The following FBXW2 variants were observed in gnomAD, a reference collection of about 807,000 sequenced individuals.
The protein encoded by FBXW2 is F-box and WD repeat domain containing 2.
A neutral mutation model predicts 46.0 loss-of-function variants in FBXW2; 12 were observed. The observed-to-expected ratio is 0.26, with a 90% confidence interval of 0.17 to 0.42. FBXW2 has a LOEUF of 0.42. FBXW2 is among the 10% of genes least tolerant of loss of function. FBXW2 has a pLI of 1.00. For missense variants in FBXW2, 360 were observed against 537.0 expected (o/e 0.67, Z 3.26); for synonymous variants, 203 against 209.6 (o/e 0.97, Z 0.27).
At position 120,758,358 on chromosome 9, in the gene FBXW2, T is replaced by C. The variant is rs1308139853; in HGVS notation, c.*6201A>G. 1.3e-5 allele frequency: 2 copies of C among 152,194 alleles called. No individual in the cohort carries two copies. The highest frequency in any genetic ancestry group is 2.4e-5 in the African/African-American group (1 of 41,430). 9.4% of individuals were successfully genotyped at this position (152,194 alleles called of 1,614,324 possible). A position where few individuals can be genotyped will look rare whatever the true frequency, so the allele number is the denominator to read the frequency against. On this transcript the variant is annotated 3_prime_UTR_variant, in exon 8 of 8. Transcript: ENST00000608872. Reference sequence around the variant, plus strand: ...TGGAAATAAATAGAGGAGCAAGAACTGTTTGCTCGAAGAAATTAGCTAGGG... The same window carrying C: ...TGGAAATAAATAGAGGAGCAAGAACCGTTTGCTCGAAGAAATTAGCTAGGG...
intron 2 of FBXW2, 95 bp downstream of exon 2, chr9:120,793,054 A>C: frequency 9.0e-7 from 1 of 1,106,720 alleles, no homozygotes. Context: ...TAACTCCAAA[A>C]CCCTGTTTTC....
At chr9:120,777,247 T>C (rs1245934129) in intron 4 of FBXW2, among the ~76,000 whole-genome samples, 1 of 152,264 alleles carries the variant, frequency 6.6e-6, no homozygotes, top group Admixed American at 6.5e-5. Flanking sequence ...CTTCCATGCA[T>C]ACATGCACCT....
intron 5 of FBXW2, 78 bp downstream of exon 5, chr9:120,776,015 A>G (rs1341071238): frequency 6.4e-7 from 1 of 1,551,210 alleles, no homozygotes. Context: ...CCTAACACTT[A>G]TAAGGCAGTG....
intron 3 of FBXW2, among the ~76,000 whole-genome samples, chr9:120,787,184 A>T (rs970985080): frequency 1.3e-5 from 2 of 152,192 alleles, no homozygotes; most frequent in East Asian, 3.8e-4. Flanking sequence ...GCATGCCGCC[A>T]CGCCCGGCTA....
rs2044610111 is a variant in FBXW2, at chr9:120,781,475, GTTGT to G, written c.491-2934_491-2931del. ...TTTGGCTGCAGAACTGGGTTAGGAG[GTTGT>G]TTAACTATGACCTTATTTGCATATC... On this transcript the variant is annotated intron_variant, in intron 3 of 7. Coordinates refer to ENST00000608872, the MANE Select transcript of FBXW2 (RefSeq NM_012164.4). Among the ~76,000 whole-genome samples the G allele has an allele frequency of 2.6e-5, 4 of 152,212 alleles. No individual in the cohort carries two copies. In the South Asian group the frequency reaches 6.2e-4, roughly 24 times the overall value.
chr9:120,770,308 G>A (rs571233841), intron 7 of FBXW2, among the ~76,000 whole-genome samples: 15 of 151,736 alleles, frequency 9.9e-5, no homozygotes, highest in Admixed American at 4.6e-4. Context: ...CCCTGGAGGC[G>A]GAGCCTGCAG....
rs956399640 is a variant in FBXW2 at position 120,762,939 on chromosome 9, C to T, written c.*1620G>A. 3 of 152,180 alleles carry T rather than the reference C, an allele frequency of 2.0e-5. No individual in the cohort carries two copies. Among genetic ancestry groups the T allele is most frequent in the African/African-American group, 7.2e-5 (3 of 41,438 alleles). The allele number at this position is 152,180 out of a possible 1,614,324, so 9.4% of individuals were successfully genotyped here. A position where few individuals can be genotyped will look rare whatever the true frequency, so the allele number is the denominator to read the frequency against. ...CTGAGATTTTTCTACTGCTTGCTCC[C>T]TCTACTCTCTCCCTGATTGTGACCA... On this transcript the variant is annotated 3_prime_UTR_variant, in exon 8 of 8. Coordinates refer to ENST00000608872, the MANE Select transcript of FBXW2 (RefSeq NM_012164.4).
At chr9:120,775,291 G>T (rs35963427) in intron 5 of FBXW2, among the ~76,000 whole-genome samples, 1 of 152,074 alleles carries the variant, frequency 6.6e-6, no homozygotes, top group Non-Finnish European at 1.5e-5. Flanking sequence ...TGATCCGCCC[G>T]CCTTGGCCTC....
At chr9:120,768,940 G>T (rs1474574118) in intron 7 of FBXW2, among the ~76,000 whole-genome samples, 1 of 152,200 alleles carries the variant, frequency 6.6e-6, no homozygotes, top group African/African-American at 2.4e-5. Flanking sequence ...TAGGGCTCAA[G>T]ATCTGTGAAG....
At chr9:120,781,218 A>G (rs1186676183) in intron 3 of FBXW2, among the ~76,000 whole-genome samples, 2 of 152,212 alleles carry the variant, frequency 1.3e-5, no homozygotes, top group Non-Finnish European at 2.9e-5. Context: ...GATTTGGCCC[A>G]CAGTCCACAG....
intron 3 of FBXW2, among the ~76,000 whole-genome samples, chr9:120,783,999 T>C (rs914650685): frequency 1.3e-5 from 2 of 152,214 alleles, no homozygotes; most frequent in African/African-American, 4.8e-5. Flanking sequence ...CAAACACATG[T>C]ACAATTCTGT....
intron 2 of FBXW2, among the ~76,000 whole-genome samples, chr9:120,788,480 A>C (rs748956712): frequency 9.2e-5 from 14 of 152,282 alleles, no homozygotes; most frequent in Non-Finnish European, 1.9e-4. Flanking sequence ...TTGAGAAAAC[A>C]TACTTTAACA....
At chr9:120,788,922 C>T (rs1250380110) in intron 2 of FBXW2, among the ~76,000 whole-genome samples, 2 of 152,142 alleles carry the variant, frequency 1.3e-5, no homozygotes, top group Non-Finnish European at 2.9e-5. Flanking sequence ...TTCTTTATGG[C>T]ACTGCCTGTT....
rs1296242720 is a variant in FBXW2, at chr9:120,758,515, C to G, written c.*6044G>C. 6.6e-6 allele frequency: 1 copy of G among 152,134 alleles called. No homozygotes were observed. The highest frequency in any genetic ancestry group is 1.5e-5 in the Non-Finnish European group (1 of 68,030). The allele number at this position is 152,134 out of a possible 1,614,324, so 9.4% of individuals were successfully genotyped here. A position where few individuals can be genotyped will look rare whatever the true frequency, so the allele number is the denominator to read the frequency against. Reference sequence around the variant, plus strand: ...GAAGCAAAGCATAAGACAGGTTGAACAGTGCACACAAGTGGTGAAGGCAGA... The same window carrying G: ...GAAGCAAAGCATAAGACAGGTTGAAGAGTGCACACAAGTGGTGAAGGCAGA... On this transcript the variant is annotated 3_prime_UTR_variant, in exon 8 of 8. Coordinates refer to ENST00000608872, the MANE Select transcript of FBXW2 (RefSeq NM_012164.4).
At chr9:120,768,843 GA>G (rs988478571) in intron 7 of FBXW2, among the ~76,000 whole-genome samples, 1 of 148,598 alleles carries the variant, frequency 6.7e-6, no homozygotes, top group Non-Finnish European at 1.5e-5. Flanking sequence ...AAATAAAAAC[GA>G]AAAAAAAAGA....
intron 7 of FBXW2, among the ~76,000 whole-genome samples, chr9:120,765,651 A>T (rs776488182): frequency 1.6e-4 from 24 of 152,344 alleles, no homozygotes; most frequent in Non-Finnish European, 2.8e-4. Flanking sequence ...GAAACCTGAA[A>T]GCCAAGTGAC....
chr9:120,786,891 T>A (rs550294291), intron 3 of FBXW2, among the ~76,000 whole-genome samples: 1 of 152,330 alleles, frequency 6.6e-6, no homozygotes, highest in East Asian at 1.9e-4. Flanking sequence ...AATAATTATA[T>A]TGTTTCATAA....
chr9:120,766,687 C>G (rs1393490873), intron 7 of FBXW2, among the ~76,000 whole-genome samples: 1 of 152,110 alleles, frequency 6.6e-6, no homozygotes, highest in East Asian at 1.9e-4. Context: ...TGGTCTCGAT[C>G]TCAACCTTGT....
intron 7 of FBXW2, among the ~76,000 whole-genome samples, chr9:120,770,400 G>A (rs1588028606): frequency 6.6e-6 from 1 of 150,812 alleles, no homozygotes; most frequent in Non-Finnish European, 1.5e-5. Flanking sequence ...AAACAATGAA[G>A]AGAATGTTCA....
Sources: gnomAD v4.1 joint callset for allele counts (sites outside exome capture counted in the v4.1 genomes callset) on GRCh38, gnomAD v4.1.1 for gene constraint, MANE v1.5 for transcripts, NCBI Gene and HGNC (gene_info 2026-07-23, HGNC 2026-07-21) for gene names.